The following GRB14 variants were observed in gnomAD, a reference collection of about 807,000 sequenced individuals.
The protein encoded by GRB14 is growth factor receptor bound protein 14, also known as growth factor receptor-bound protein 14.
In GRB14, 38 loss-of-function variants were observed where a neutral mutation model predicts 69.1. That is an observed-to-expected ratio of 0.55 (90% confidence interval 0.42 to 0.72). The LOEUF (loss-of-function observed/expected upper bound fraction) is 0.72, where lower values mean the gene tolerates loss of function less well. Among genes scored for constraint, GRB14 ranks in the 30% least tolerant of loss-of-function variants. The probability of loss-of-function intolerance (pLI) is 0.00; values close to 1 mark genes in which losing one functional copy is unlikely to be tolerated. For missense variants in GRB14, 666 were observed against 666.1 expected (o/e 1.00, Z 0.00); for synonymous variants, 247 against 241.3 (o/e 1.02, Z -0.22).
chr2:164,610,128 G>A (rs565657334), intron 2 of GRB14, among the ~76,000 whole-genome samples: 12 of 152,128 alleles, frequency 7.9e-5, no homozygotes, highest in Admixed American at 3.3e-4. Context: ...CCCTTGGAAA[G>A]TCTTCATGTA....
intron 2 of GRB14, among the ~76,000 whole-genome samples, chr2:164,617,809 A>AG (rs1690335687): frequency 6.6e-6 from 1 of 152,090 alleles, no homozygotes; most frequent in African/African-American, 2.4e-5. Flanking sequence ...TTGCTTAGCT[A>AG]GGGTCCTTAC....
chr2:164,539,631 C>A (rs1373950598), intron 3 of GRB14: 3 of 152,178 alleles, frequency 2.0e-5, no homozygotes, highest in Non-Finnish European at 2.9e-5. Context: ...AGATGAGAAG[C>A]AACGATAGTA....
intron 3 of GRB14, among the ~76,000 whole-genome samples, chr2:164,533,654 T>G (rs891022229): frequency 2.0e-5 from 3 of 152,194 alleles, no homozygotes; most frequent in Non-Finnish European, 2.9e-5. Context: ...TACAAATCAT[T>G]TGAATTTGGA....
chr2:164,615,363 T>A (rs1329001082), intron 2 of GRB14, among the ~76,000 whole-genome samples: 1 of 152,192 alleles, frequency 6.6e-6, no homozygotes, highest in African/African-American at 2.4e-5. Context: ...CGTAGTTACA[T>A]TTCGGGAAGA....
At chr2:164,579,226 C>T (rs1039489376) in intron 2 of GRB14, among the ~76,000 whole-genome samples, 1 of 152,060 alleles carries the variant, frequency 6.6e-6, no homozygotes, top group East Asian at 1.9e-4. Context: ...TGATAAAATA[C>T]ATAAGTTAAG....
chr2:164,532,371 T>G (rs926791375), intron 3 of GRB14, among the ~76,000 whole-genome samples: 1 of 152,226 alleles, frequency 6.6e-6, no homozygotes. Context: ...CATTATTGTA[T>G]TTAATTCTTA....
At chr2:164,618,182 G>A (rs768291755) in intron 2 of GRB14, among the ~76,000 whole-genome samples, 2 of 151,886 alleles carry the variant, frequency 1.3e-5, no homozygotes, top group Non-Finnish European at 2.9e-5. Flanking sequence ...GGACAGGATG[G>A]TCTCAATCTT....
intron 2 of GRB14, among the ~76,000 whole-genome samples, chr2:164,575,846 A>T (rs952279159): frequency 1.3e-5 from 2 of 152,118 alleles, no homozygotes; most frequent in Non-Finnish European, 2.9e-5. Context: ...CATCTTGTGA[A>T]TTTTTTTCAA....
At chr2:164,493,208 G>C in intron 13 of GRB14, 26 bp from the exon 14 acceptor site, 3 of 1,601,614 alleles carry the variant, frequency 1.9e-6, no homozygotes, top group Non-Finnish European at 2.6e-6. Context: ...CAACAAATAA[G>C]TAAAGAGGAT....
chr2:164,595,073 T>C (rs1425515324), intron 2 of GRB14, among the ~76,000 whole-genome samples: 1 of 152,196 alleles, frequency 6.6e-6, no homozygotes, highest in Non-Finnish European at 1.5e-5. Flanking sequence ...TATCTGTATT[T>C]AGAGGGAAGA....
chr2:164,568,233 T>C, intron 2 of GRB14: 1 of 775,412 alleles, frequency 1.3e-6, no homozygotes, highest in East Asian at 6.4e-5. Context: ...TAAAGCTTCC[T>C]ATGTATTAAT....
intron 2 of GRB14, among the ~76,000 whole-genome samples, chr2:164,613,754 A>G (rs374323030): frequency 4.7e-4 from 71 of 152,244 alleles, no homozygotes; most frequent in African/African-American, 1.6e-3. Context: ...GTACTACAAC[A>G]CAGCCTTTCA....
At chr2:164,581,361 G>A (rs1351762369) in intron 2 of GRB14, among the ~76,000 whole-genome samples, 1 of 152,130 alleles carries the variant, frequency 6.6e-6, no homozygotes, top group African/African-American at 2.4e-5. Context: ...TATACAGGGG[G>A]TTCCAACGTA....
intron 2 of GRB14, among the ~76,000 whole-genome samples, chr2:164,550,412 G>A (rs1559046706): frequency 6.6e-6 from 1 of 152,132 alleles, no homozygotes; most frequent in Non-Finnish European, 1.5e-5. Context: ...TGTGAATTAG[G>A]ATTTATCTAT....
chr2:164,493,266 T>C, intron 13 of GRB14, 84 bp from the exon 14 acceptor site: 1 of 1,205,078 alleles, frequency 8.3e-7, no homozygotes, highest in Non-Finnish European at 1.2e-6. Context: ...TATCTCCACA[T>C]GCCAAAACTG....
In GRB14 at chr2:164,584,185, A is replaced by G. The variant is rs1011024149; in HGVS notation, c.324+35502T>C. 2.7e-3 allele frequency among the ~76,000 whole-genome samples: 131 copies of G among 49,212 alleles called. 1 individual carries two copies. Among genetic ancestry groups the G allele is most frequent in the African/African-American group, 0.011 (127 of 11,976 alleles). The allele number at this position is 49,212 out of a possible 152,430, so 32.3% of individuals were successfully genotyped here. A position where few individuals can be genotyped will look rare whatever the true frequency, so the allele number is the denominator to read the frequency against. Reference sequence around the variant, plus strand: ...TTTTTTTTTTTTTTTTTTGTATTTTAGTAGAGACAGGGTTTCACCATGTTA... The same window carrying G: ...TTTTTTTTTTTTTTTTTTGTATTTTGGTAGAGACAGGGTTTCACCATGTTA... On this transcript the variant is annotated intron_variant, in intron 2 of 13. Coordinates refer to ENST00000263915, the MANE Select transcript of GRB14 (RefSeq NM_004490.3).
At chr2:164,496,712 G>C (rs1686908398) in intron 12 of GRB14, among the ~76,000 whole-genome samples, 2 of 152,098 alleles carry the variant, frequency 1.3e-5, no homozygotes, top group Admixed American at 1.3e-4. Context: ...CCCATCAATT[G>C]ATATCTGAGA....
chr2:164,540,306 T>C (rs1308096939), intron 3 of GRB14, among the ~76,000 whole-genome samples: 2 of 152,220 alleles, frequency 1.3e-5, no homozygotes, highest in Non-Finnish European at 2.9e-5. Context: ...CTTTCTCTGA[T>C]GCCTCTTTAA....
At chr2:164,493,791 A>AATT (rs34396818) in intron 13 of GRB14, among the ~76,000 whole-genome samples, 18,780 of 152,178 alleles carry the variant, frequency 0.12, 1,247 homozygotes, top group Middle Eastern at 0.16. Flanking sequence ...ACGCACTAGT[A>AATT]ATTTAGCAAT....
Sources: allele counts gnomAD v4.1 joint callset (sites outside exome capture counted in the v4.1 genomes callset), GRCh38; gene constraint gnomAD v4.1.1; transcripts MANE v1.5; gene names NCBI Gene and HGNC (gene_info 2026-07-23, HGNC 2026-07-21).